PACS1: variants seen among roughly 807,000 people sequenced by gnomAD.
The protein encoded by PACS1 is phosphofurin acidic cluster sorting protein 1.
Under a neutral mutation model 115.0 loss-of-function variants are expected in PACS1, and 24 were observed. The ratio of observed to expected loss-of-function variants is 0.21; its 90% CI spans 0.15 to 0.29. PACS1 has a LOEUF of 0.29. Ranked by LOEUF, PACS1 falls within the 10% of genes least tolerant of loss-of-function variation. The pLI is 1.00. For missense variants in PACS1, 838 were observed against 1,251.2 expected, an observed-to-expected ratio of 0.67 and a Z score of 4.98; for synonymous variants, 453 against 504.5, an observed-to-expected ratio of 0.90 and a Z score of 1.37.
chr11:66,184,781 C>T (rs1860084142), intron 1 of PACS1, among the ~76,000 whole-genome samples: 1 of 152,202 alleles, frequency 6.6e-6, no homozygotes, highest in Admixed American at 6.5e-5. Flanking sequence ...TTATGAATTG[C>T]TCAAAAGCAG....
At chr11:66,217,545 A>T in intron 7 of PACS1, 1 of 456,202 alleles carries the variant, frequency 2.2e-6, no homozygotes, top group Non-Finnish European at 4.4e-6. Flanking sequence ...GAGAGCCGAG[A>T]TGCCCACCCC....
intron 1 of PACS1, among the ~76,000 whole-genome samples, chr11:66,185,012 C>T (rs1466373624): frequency 6.6e-6 from 1 of 152,132 alleles, no homozygotes; most frequent in Non-Finnish European, 1.5e-5. Flanking sequence ...AATGAGGGGA[C>T]AGGCCAGGAA....
intron 1 of PACS1, among the ~76,000 whole-genome samples, chr11:66,094,767 C>T (rs1857740347): frequency 6.6e-6 from 1 of 152,194 alleles, no homozygotes; most frequent in Non-Finnish European, 1.5e-5. Flanking sequence ...AGACCAATAT[C>T]CTTGATGAAC....
chr11:66,191,333 C>A (rs374693737), intron 1 of PACS1, among the ~76,000 whole-genome samples: 1 of 152,170 alleles, frequency 6.6e-6, no homozygotes, highest in African/African-American at 2.4e-5. Flanking sequence ...ATCTCAGGAG[C>A]CTTAACTTAA....
chr11:66,191,571 C>G (rs919296019), intron 1 of PACS1, among the ~76,000 whole-genome samples: 1 of 152,178 alleles, frequency 6.6e-6, no homozygotes, highest in African/African-American at 2.4e-5. Flanking sequence ...GTGAGCCCCC[C>G]AACACACATC....
intron 1 of PACS1, among the ~76,000 whole-genome samples, chr11:66,073,845 C>G (rs1857352537): frequency 6.6e-6 from 1 of 151,560 alleles, no homozygotes; most frequent in Non-Finnish European, 1.5e-5. Flanking sequence ...CCTCCAACTC[C>G]TGGGCTCAGC....
intron 1 of PACS1, among the ~76,000 whole-genome samples, chr11:66,082,309 C>T (rs1242449906): frequency 2.6e-5 from 4 of 152,088 alleles, no homozygotes; most frequent in African/African-American, 9.7e-5. Context: ...ACTGCAGCCT[C>T]GAATTCCTGG....
chr11:66,164,737 C>T (rs1859565535), intron 1 of PACS1, among the ~76,000 whole-genome samples: 1 of 150,582 alleles, frequency 6.6e-6, no homozygotes, highest in Non-Finnish European at 1.5e-5. Flanking sequence ...GTGTGAGCCA[C>T]CGCACCTGGC....
rs371513573 is a variant in PACS1 at position 66,216,740 on chromosome 11, C to T, written c.943C>T (p.Arg315Trp). 8.7e-6 allele frequency: 14 copies of T among 1,613,778 alleles called. No homozygotes were observed. The highest frequency in any genetic ancestry group is 1.6e-4 in the Middle Eastern group (1 of 6,084). ...DEDLRKVKKTRRKLTSTSAIT... is the reference protein window; with the variant it reads ...DEDLRKVKKTWRKLTSTSAIT... The stretch of plus-strand genomic sequence containing the variant: ...AGATCTCCGGAAAGTGAAGAAGACC[C>T]GGAGGAAACTAACCTCAACCTCTGC... Residue 315 changes from arginine (R) to tryptophan (W), a missense_variant, in exon 7 of 24, where the codon CGG (arginine) becomes TGG (tryptophan). Transcript: ENST00000320580.
intron 19 of PACS1, chr11:66,238,211 AGAG>A (rs1855742494): frequency 7.1e-6 from 7 of 985,184 alleles, no homozygotes; most frequent in Admixed American, 6.2e-5. Context: ...GGAAGACCAG[AGAG>A]GAGAAGGCTG....
At chr11:66,127,161 T>C (rs1303246367) in intron 1 of PACS1, among the ~76,000 whole-genome samples, 1 of 152,210 alleles carries the variant, frequency 6.6e-6, no homozygotes, top group East Asian at 1.9e-4. Flanking sequence ...CTGGTTCCTG[T>C]CTACACAATG....
At chr11:66,222,823 C>G (rs766273783) in intron 10 of PACS1, among the ~76,000 whole-genome samples, 1 of 152,136 alleles carries the variant, frequency 6.6e-6, no homozygotes, top group East Asian at 1.9e-4. Flanking sequence ...GGGGCATCCC[C>G]TGGCTGCCCT....
At chr11:66,099,236 A>G (rs1195200863) in intron 1 of PACS1, among the ~76,000 whole-genome samples, 1 of 151,606 alleles carries the variant, frequency 6.6e-6, no homozygotes, top group Non-Finnish European at 1.5e-5. Context: ...TTATTTATTT[A>G]TTTTTGAGAC....
chr11:66,182,903 G>A (rs1207341845), intron 1 of PACS1, among the ~76,000 whole-genome samples: 3 of 152,152 alleles, frequency 2.0e-5, no homozygotes, highest in East Asian at 3.8e-4. Context: ...AGGTTGAGGC[G>A]GGCAGATCGC....
At chr11:66,238,985 A>G in intron 20 of PACS1, 139 bp downstream of exon 20, 1 of 1,357,016 alleles carries the variant, frequency 7.4e-7, no homozygotes, top group Non-Finnish European at 1.0e-6. Flanking sequence ...GGGCGCCCTC[A>G]CTCCCCTGCT....
Position 66,217,662 on chromosome 11 carries a change from A to G in PACS1, c.978+887A>G, listed in dbSNP as rs375994927. On this transcript the variant is annotated intron_variant, in intron 7 of 23. Coordinates refer to ENST00000320580, the MANE Select transcript of PACS1 (RefSeq NM_018026.4). ...ACCTGGATTTCCCATCCAGTCAGCA[A>G]CTAGGGAGCGGGAGGACTGTTTCCT... The G allele has an allele frequency of 4.4e-5, 20 of 455,344 alleles. No homozygotes were observed. In the East Asian group the frequency reaches 9.0e-4, roughly 21 times the overall value. 28.2% of individuals were successfully genotyped at this position (455,344 alleles called of 1,614,324 possible).
intron 1 of PACS1, among the ~76,000 whole-genome samples, chr11:66,075,497 C>T (rs1590726779): frequency 6.6e-6 from 1 of 152,176 alleles, no homozygotes; most frequent in South Asian, 2.1e-4. Context: ...CCGCCTCAGT[C>T]TCTCGAAGTA....
chr11:66,085,714 A>C (rs947035946), intron 1 of PACS1, among the ~76,000 whole-genome samples: 6 of 152,216 alleles, frequency 3.9e-5, no homozygotes, highest in Non-Finnish European at 7.3e-5. Flanking sequence ...GACTCCCTTT[A>C]ATATCCTGAA....
chr11:66,112,461 G>A (rs895875042), intron 1 of PACS1, among the ~76,000 whole-genome samples: 4 of 152,292 alleles, frequency 2.6e-5, no homozygotes, highest in East Asian at 1.9e-4. Context: ...GCCTTCCCTC[G>A]CTGCGCAGTT....
Sources: allele counts gnomAD v4.1 joint callset (sites outside exome capture counted in the v4.1 genomes callset), GRCh38; gene constraint gnomAD v4.1.1; transcripts MANE v1.5; gene names NCBI Gene and HGNC (gene_info 2026-07-23, HGNC 2026-07-21).